GPD2: variants seen among roughly 807,000 people sequenced by gnomAD.
GPD2 encodes the protein glycerol-3-phosphate dehydrogenase, mitochondrial.
In GPD2, 54 loss-of-function variants were observed where a neutral mutation model predicts 82.4. The ratio of observed to expected loss-of-function variants is 0.66; its 90% CI spans 0.53 to 0.82. The LOEUF (loss-of-function observed/expected upper bound fraction) is 0.82. Among genes scored for constraint, GPD2 ranks in the 40% least tolerant of loss-of-function variants. The pLI is 0.00. For synonymous variants in GPD2, 288 were observed against 306.1 expected (o/e 0.94, Z 0.62); for missense variants, 748 against 896.2 (o/e 0.83, Z 2.11).
chr2:156,452,926 A>G (rs930702682), intron 1 of GPD2, among the ~76,000 whole-genome samples: 7 of 152,180 alleles, frequency 4.6e-5, no homozygotes, highest in Admixed American at 3.9e-4. Flanking sequence ...TGGGAAGATG[A>G]AATTTTTACC....
chr2:156,422,320 C>T, the GPD2 span, among the ~76,000 whole-genome samples: 1 of 152,002 alleles, frequency 6.6e-6, no homozygotes, highest in Non-Finnish European at 1.5e-5. Flanking sequence ...ATCAACTGGA[C>T]AAGGAAACAA....
At chr2:156,548,180 T>TA (rs1463512251) in intron 6 of GPD2, among the ~76,000 whole-genome samples, 1 of 152,256 alleles carries the variant, frequency 6.6e-6, no homozygotes, top group Non-Finnish European at 1.5e-5. Flanking sequence ...TTTAGTTTTA[T>TA]AAAATGTATT....
At chr2:156,420,417 C>T in the GPD2 span, among the ~76,000 whole-genome samples, 3 of 152,142 alleles carry the variant, frequency 2.0e-5, no homozygotes, top group East Asian at 5.8e-4. Context: ...ATGATCAGCT[C>T]GCCTTGACCT....
chr2:156,444,741 T>C (rs1002046525), intron 1 of GPD2, among the ~76,000 whole-genome samples: 1 of 81,942 alleles, frequency 1.2e-5, no homozygotes, highest in African/African-American at 3.2e-5. Context: ...ACACACACAC[T>C]AACATAATTT....
At chr2:156,532,106 A>G (rs1685885391) in intron 6 of GPD2, among the ~76,000 whole-genome samples, 1 of 152,146 alleles carries the variant, frequency 6.6e-6, no homozygotes. Context: ...GAGTTTAAGC[A>G]AATCTCCTCA....
At chr2:156,496,378 C>T (rs1195207987) in intron 3 of GPD2, among the ~76,000 whole-genome samples, 163 bp downstream of exon 3, 1 of 152,078 alleles carries the variant, frequency 6.6e-6, no homozygotes, top group African/African-American at 2.4e-5. Context: ...TCCTGATGCT[C>T]TCCCTCCCCC....
At chr2:156,435,013 C>G (rs561519761), upstream of GPD2, among the ~76,000 whole-genome samples, 1 of 152,194 alleles carries the variant, frequency 6.6e-6, no homozygotes, top group Admixed American at 6.5e-5. Context: ...CCTGCCCCCT[C>G]CCCCCAATTT....
At chr2:156,475,216 G>T (rs1683464062) in intron 1 of GPD2, among the ~76,000 whole-genome samples, 1 of 152,174 alleles carries the variant, frequency 6.6e-6, no homozygotes, top group African/African-American at 2.4e-5. Flanking sequence ...TGCAACTCTG[G>T]CTAGAAGAAA....
chr2:156,490,903 G>A (rs1684150524), intron 2 of GPD2, among the ~76,000 whole-genome samples: 3 of 152,018 alleles, frequency 2.0e-5, no homozygotes, highest in Admixed American at 6.6e-5. Context: ...GTGTATTGAG[G>A]TATAATTTGT....
intron 1 of GPD2, among the ~76,000 whole-genome samples, chr2:156,446,849 C>T (rs1475523690): frequency 2.6e-5 from 4 of 152,130 alleles, no homozygotes; most frequent in East Asian, 1.9e-4. Flanking sequence ...CCACAGCACC[C>T]GGCCCTTGCC....
At chr2:156,506,164 GAA>G (rs1404146952) in intron 3 of GPD2, among the ~76,000 whole-genome samples, 2 of 152,130 alleles carry the variant, frequency 1.3e-5, no homozygotes, top group Admixed American at 1.3e-4. Context: ...GAAAATTAAA[GAA>G]AATTTTTAGA....
At chr2:156,581,797 G>T (rs935255946) in intron 16 of GPD2, among the ~76,000 whole-genome samples, 1 of 151,922 alleles carries the variant, frequency 6.6e-6, no homozygotes, top group Non-Finnish European at 1.5e-5. Context: ...TTTTAATAAG[G>T]TCATGAAATT....
chr2:156,575,402 C>CTTTTTT (rs35297244), intron 13 of GPD2, among the ~76,000 whole-genome samples: 1 of 91,204 alleles, frequency 1.1e-5, no homozygotes, highest in African/African-American at 4.1e-5. Flanking sequence ...CTTTTCTTTT[C>CTTTTTT]TTTTTTTTTT....
At chr2:156,400,755 T>C in the GPD2 span, among the ~76,000 whole-genome samples, 25 of 152,320 alleles carry the variant, frequency 1.6e-4, no homozygotes, top group African/African-American at 3.4e-4. Flanking sequence ...ACACCAGAAA[T>C]ATGCTTTCGG....
At chr2:156,492,042 C>A (rs2105232792) in intron 2 of GPD2, among the ~76,000 whole-genome samples, 1 of 150,616 alleles carries the variant, frequency 6.6e-6, no homozygotes, top group African/African-American at 2.4e-5. Context: ...AAGACACTCC[C>A]AAACTGTTTT....
upstream of GPD2, among the ~76,000 whole-genome samples, chr2:156,431,120 C>A (rs1325742377): frequency 1.3e-5 from 2 of 152,148 alleles, no homozygotes; most frequent in African/African-American, 4.8e-5. Flanking sequence ...CATGACTGTC[C>A]TTGAGTTTTC....
chr2:156,551,827 G>A lies in GPD2; in HGVS notation c.971+1081G>A, dbSNP rs557697335. On this transcript the variant is annotated intron_variant, in intron 8 of 16. Coordinates refer to ENST00000438166, the MANE Select transcript of GPD2 (RefSeq NM_000408.5). ...GGTTCTAACAATGTATATAGAAAAA[G>A]ACTGGAAGGAAATATGTTAAATGTG... 2.6e-5 allele frequency among the ~76,000 whole-genome samples: 4 copies of A among 152,268 alleles called. No homozygotes were observed. In the South Asian group the frequency reaches 6.2e-4, roughly 24 times the overall value.
At chr2:156,467,693 G>T (rs529868708) in intron 1 of GPD2, among the ~76,000 whole-genome samples, 15 of 152,284 alleles carry the variant, frequency 9.9e-5, no homozygotes, top group East Asian at 3.9e-4. Context: ...TCAATTTCCT[G>T]TCCAGTCTTG....
the GPD2 span, among the ~76,000 whole-genome samples, chr2:156,415,321 G>T: frequency 6.6e-6 from 1 of 151,812 alleles, no homozygotes; most frequent in South Asian, 2.1e-4. Context: ...ACCACTCCCG[G>T]CTATTTTTTC....
Sources: allele counts gnomAD v4.1 joint callset (sites outside exome capture counted in the v4.1 genomes callset), GRCh38; gene constraint gnomAD v4.1.1; transcripts MANE v1.5; gene names NCBI Gene and HGNC (gene_info 2026-07-23, HGNC 2026-07-21).